Variants in IFT43 observed in about 807,000 individuals in gnomAD.
IFT43 encodes the protein intraflagellar transport protein 43 homolog.
Under a neutral mutation model 32.3 loss-of-function variants are expected in IFT43, and 33 were observed. The observed-to-expected ratio is 1.02, with a 90% CI of 0.77 to 1.37. The LOEUF is 1.37. Among genes scored for constraint, IFT43 ranks in the 40% most tolerant of loss-of-function variants. The pLI is 0.00. For synonymous variants in IFT43, 93 were observed against 98.2 expected, an observed-to-expected ratio of 0.95 and a Z score of 0.31; for missense variants, 274 against 265.9, an observed-to-expected ratio of 1.03 and a Z score of -0.21.
chr14:76,023,441 A>G (rs2036331922), intron 3 of IFT43, among the ~76,000 whole-genome samples: 1 of 152,224 alleles, frequency 6.6e-6, no homozygotes, highest in South Asian at 2.1e-4. Context: ...CAAGTAATTT[A>G]ATATCTCTGG....
At chr14:76,035,814 C>A (rs1370068152) in intron 3 of IFT43, among the ~76,000 whole-genome samples, 5 of 152,220 alleles carry the variant, frequency 3.3e-5, no homozygotes, top group Non-Finnish European at 7.3e-5. Context: ...TGTGGGCACA[C>A]CCTGCCTGTG....
chr14:76,048,349 G>A (rs1451173655), intron 3 of IFT43, among the ~76,000 whole-genome samples: 1 of 152,218 alleles, frequency 6.6e-6, no homozygotes, highest in East Asian at 1.9e-4. Flanking sequence ...GCCAGTCTCT[G>A]CTAAGGGGGA....
In IFT43 at chr14:76,062,917, C is replaced by CAA. The variant is rs746158153; in HGVS notation, c.295+3567_295+3568dup. The stretch of plus-strand genomic sequence containing the variant: ...TGGGCAACAGAGTGAGATCCCATCT[C>CAA]AAAAAAAAAAAAAAAAAAAAAAAAG... On this transcript the variant is annotated intron_variant, in intron 5 of 8. Transcript: ENST00000314067. Among the ~76,000 whole-genome samples the CAA allele has an allele frequency of 2.9e-3, 210 of 71,656 alleles. 1 individual carries two copies. The highest frequency in any genetic ancestry group is 5.7e-3 in the East Asian group (13 of 2,286). 47.0% of individuals were successfully genotyped at this position (71,656 alleles called of 152,430 possible). A position where few individuals can be genotyped will look rare whatever the true frequency, so the allele number is the denominator to read the frequency against.
intron 2 of IFT43, among the ~76,000 whole-genome samples, chr14:76,008,477 C>T (rs567293704): frequency 6.6e-6 from 1 of 152,246 alleles, no homozygotes; most frequent in South Asian, 2.1e-4. Flanking sequence ...CTGCAAGGGA[C>T]TCATGATCAT....
At chr14:76,082,055 C>T (rs369969046) in intron 5 of IFT43, among the ~76,000 whole-genome samples, 4 of 152,210 alleles carry the variant, frequency 2.6e-5, no homozygotes, top group African/African-American at 9.7e-5. Flanking sequence ...GGAAAAAAAT[C>T]TGGATGCTTG....
intron 2 of IFT43, among the ~76,000 whole-genome samples, chr14:76,012,381 A>AG (rs2036102450): frequency 6.6e-6 from 1 of 152,220 alleles, no homozygotes; most frequent in African/African-American, 2.4e-5. Context: ...AATTCCAGTT[A>AG]TTGAATCCTA....
chr14:76,078,166 C>A (rs967916658), intron 5 of IFT43, among the ~76,000 whole-genome samples: 1 of 152,182 alleles, frequency 6.6e-6, no homozygotes, highest in African/African-American at 2.4e-5. Flanking sequence ...TTTGCGAATT[C>A]TTTTCAGCAA....
rs1566699256 is a variant in IFT43 at position 75,999,248 on chromosome 14, T to TTC, written c.147+10271_147+10272insTC. On this transcript the variant is annotated intron_variant, in intron 2 of 8. Coordinates refer to ENST00000314067, the MANE Select transcript of IFT43 (RefSeq NM_001102564.3). ...CATTTTATATATATATATATATATATATATATATATATATATATATATATG... is the reference window on the plus strand; with the variant it reads ...CATTTTATATATATATATATATATATTCATATATATATATATATATATATATG... Among the ~76,000 whole-genome samples, 120 of 12,564 alleles carry TTC rather than the reference T, an allele frequency of 9.6e-3. 2 individuals carry two copies. The highest frequency in any genetic ancestry group is 0.025 in the African/African-American group (66 of 2,610). 8.2% of individuals were successfully genotyped at this position (12,564 alleles called of 152,430 possible).
downstream of IFT43, chr14:76,083,865 C>T (rs759092935): frequency 1.6e-5 from 9 of 557,742 alleles, no homozygotes; most frequent in Middle Eastern, 4.9e-4. Context: ...TGGGAGAGTT[C>T]GATTCAGGCG....
At chr14:76,051,057 T>C (rs2036905134) in intron 3 of IFT43, among the ~76,000 whole-genome samples, 1 of 151,814 alleles carries the variant, frequency 6.6e-6, no homozygotes, top group Middle Eastern at 3.4e-3. Context: ...AGAGAGGACA[T>C]GGGCATGAGT....
At chr14:76,008,857 T>C (rs1430133825) in intron 2 of IFT43, among the ~76,000 whole-genome samples, 1 of 152,244 alleles carries the variant, frequency 6.6e-6, no homozygotes, top group Admixed American at 6.5e-5. Flanking sequence ...GCATCACTTT[T>C]TAATTCTGAC....
At chr14:76,009,078 T>C (rs1594813158) in intron 2 of IFT43, among the ~76,000 whole-genome samples, 1 of 152,248 alleles carries the variant, frequency 6.6e-6, no homozygotes, top group Admixed American at 6.5e-5. Flanking sequence ...TCAGTCTGGA[T>C]TGTTGGGCAC....
intron 1 of IFT43, chr14:75,986,408 A>G: frequency 1.9e-6 from 1 of 531,000 alleles, no homozygotes; most frequent in Non-Finnish European, 2.7e-6. Flanking sequence ...GTGCTCAGGC[A>G]CTGAGGCCAG....
At chr14:76,071,796 G>A (rs1446643193) in intron 5 of IFT43, among the ~76,000 whole-genome samples, 1 of 152,046 alleles carries the variant, frequency 6.6e-6, no homozygotes, top group African/African-American at 2.4e-5. Flanking sequence ...CAACCTGCAG[G>A]CAGAATTCCT....
intron 5 of IFT43, among the ~76,000 whole-genome samples, chr14:76,060,890 C>T (rs950613322): frequency 6.7e-6 from 1 of 149,720 alleles, no homozygotes; most frequent in African/African-American, 2.5e-5. Flanking sequence ...CTCTCCCCTC[C>T]CCTCTCTTTT....
intron 3 of IFT43, among the ~76,000 whole-genome samples, chr14:76,040,261 T>C (rs891729421): frequency 1.3e-4 from 20 of 152,246 alleles, no homozygotes; most frequent in African/African-American, 4.8e-4. Flanking sequence ...AACAGCCTTA[T>C]TTTTAAGGGC....
chr14:76,027,730 A>G (rs1594827576), intron 3 of IFT43, among the ~76,000 whole-genome samples: 1 of 150,828 alleles, frequency 6.6e-6, no homozygotes, highest in Non-Finnish European at 1.5e-5. Flanking sequence ...AAAAAGATTC[A>G]TGACATTCTC....
intron 3 of IFT43, among the ~76,000 whole-genome samples, chr14:76,028,458 G>C (rs1594828154): frequency 6.6e-6 from 1 of 152,014 alleles, no homozygotes; most frequent in East Asian, 1.9e-4. Context: ...TGGACTCATG[G>C]ATTTTAAAAA....
intron 5 of IFT43, among the ~76,000 whole-genome samples, chr14:76,069,440 T>C (rs1405273515): frequency 6.6e-6 from 1 of 152,132 alleles, no homozygotes; most frequent in East Asian, 1.9e-4. Context: ...AGTGCAAAGT[T>C]ATGTCCCCTC....
Sources: gnomAD v4.1 joint callset for allele counts (sites outside exome capture counted in the v4.1 genomes callset) on GRCh38, gnomAD v4.1.1 for gene constraint, MANE v1.5 for transcripts, NCBI Gene and HGNC (gene_info 2026-07-23, HGNC 2026-07-21) for gene names.